PARP11: variants seen among roughly 807,000 people sequenced by gnomAD.
PARP11 encodes the protein poly(ADP-ribose) polymerase family member 11, also known as protein mono-ADP-ribosyltransferase PARP11.
In PARP11, 31 loss-of-function variants were observed where a neutral mutation model predicts 42.9. The ratio of observed to expected loss-of-function variants is 0.72; its 90% confidence interval spans 0.54 to 0.98. The LOEUF (loss-of-function observed/expected upper bound fraction) is 0.98, where lower values mean the gene tolerates loss of function less well. Ranked by LOEUF, PARP11 falls within the 50% of genes least tolerant of loss-of-function variation. PARP11 has a pLI of 0.00. For synonymous variants in PARP11, 137 were observed against 127.3 expected (o/e 1.08, Z -0.51); for missense variants, 365 against 413.1 (o/e 0.88, Z 1.01).
chr12:3,854,995 C>T (rs563697829), intron 1 of PARP11, among the ~76,000 whole-genome samples: 1 of 152,232 alleles, frequency 6.6e-6, no homozygotes, highest in East Asian at 1.9e-4. Context: ...AATCAATAAA[C>T]GTAATCCATC....
chr12:3,812,421 T>C lies in PARP11; in HGVS notation c.719A>G (p.Asp240Gly). 6.2e-7 allele frequency: 1 copy of C among 1,608,942 alleles called. No homozygotes were observed. Among genetic ancestry groups the C allele is most frequent in the Non-Finnish European group, 8.5e-7 (1 of 1,177,248 alleles). Reference sequence around the variant, plus strand: ...GCAGAAACGACTGGAATAAGCAGCATCTCTAGCAAAATAGGTTCCTTAAAC... The same window carrying C: ...GCAGAAACGACTGGAATAAGCAGCACCTCTAGCAAAATAGGTTCCTTAAAC... ...VFGKGTYFAR[D>G]AAYSSRFCKD... The change falls in exon 8 of 8, where the codon GAT becomes GGT. Residue 240 changes from aspartate to glycine, a missense_variant. Coordinates refer to ENST00000228820, the MANE Select transcript of PARP11 (RefSeq NM_020367.6).
rs556894606 is a variant in PARP11 at position 3,872,763 on chromosome 12, C to T, written c.18+449G>A. On this transcript the variant is annotated intron_variant, in intron 1 of 7. Coordinates refer to ENST00000228820, the MANE Select transcript of PARP11 (RefSeq NM_020367.6). The stretch of plus-strand genomic sequence containing the variant: ...AATGACTGACTACAGGTTCCAAGGC[C>T]AGTTACTCCAATTAGAAAGCAAAAC... 5.5e-5 allele frequency: 54 copies of T among 985,338 alleles called. 2 individuals carry two copies. In the Middle Eastern group the frequency reaches 3.1e-3, roughly 57 times the overall value. 61.0% of individuals were successfully genotyped at this position (985,338 alleles called of 1,614,324 possible).
Position 3,840,246 on chromosome 12 carries a change from T to A in PARP11, c.19-10228A>T. The A allele has an allele frequency of 6.2e-7, 1 of 1,613,328 alleles. No individual in the cohort carries two copies. The highest frequency in any genetic ancestry group is 8.5e-7 in the Non-Finnish European group (1 of 1,179,234). Reference sequence around the variant, plus strand: ...GAGTTCATTCTGAGAATGGACCAGTTTTGGTTGAAGAACTGGGAAAGTACA... The same window carrying A: ...GAGTTCATTCTGAGAATGGACCAGTATTGGTTGAAGAACTGGGAAAGTACA... On this transcript the variant is annotated intron_variant, in intron 1 of 7. Coordinates refer to ENST00000228820, the MANE Select transcript of PARP11 (RefSeq NM_020367.6). This position sits in a 1 kb window ranked among gnomAD's most constrained non-coding sequence, Gnocchi z 4.4.
At position 3,814,181 on chromosome 12, in the gene PARP11, C is replaced by A; in HGVS notation, c.556G>T (p.Ala186Ser). ...ACACCTCTTTTTTTCTTGAGCTGAGCCTTTTTCCTAAAAACACAATATACA... is the reference window on the plus strand; with the variant it reads ...ACACCTCTTTTTTTCTTGAGCTGAGACTTTTTCCTAAAAACACAATATACA... ...DLWEFFCRKKAQLKKKRGVPQ... is the reference protein window; with the variant it reads ...DLWEFFCRKKSQLKKKRGVPQ... Residue 186 changes from alanine to serine, a missense_variant, in exon 7 of 8, where the codon GCT becomes TCT. Ala to Ser is a moderately conservative substitution (Grantham distance 99). Coordinates refer to ENST00000228820, the MANE Select transcript of PARP11 (RefSeq NM_020367.6). The A allele has an allele frequency of 6.3e-7, 1 of 1,598,502 alleles. No individual in the cohort carries two copies. The highest frequency in any genetic ancestry group is 1.3e-5 in the African/African-American group (1 of 74,732).
At chr12:3,824,217 T>C (rs1424774502) in intron 4 of PARP11, among the ~76,000 whole-genome samples, 1 of 152,238 alleles carries the variant, frequency 6.6e-6, no homozygotes, top group Non-Finnish European at 1.5e-5. Context: ...TTTTCTCCTA[T>C]TATGAGTGAG....
chr12:3,814,181 C>T lies in PARP11; in HGVS notation c.556G>A (p.Ala186Thr), dbSNP rs759695271. 6.9e-6 allele frequency: 11 copies of T among 1,598,502 alleles called. No individual in the cohort carries two copies. Among genetic ancestry groups the T allele is most frequent in the Non-Finnish European group, 9.4e-6 (11 of 1,170,156 alleles). ...ACACCTCTTTTTTTCTTGAGCTGAG[C>T]CTTTTTCCTAAAAACACAATATACA... ...DLWEFFCRKKAQLKKKRGVPQ... is the reference protein window; with the variant it reads ...DLWEFFCRKKTQLKKKRGVPQ... Residue 186 changes from alanine to threonine, a missense_variant, in exon 7 of 8, where the codon GCT (alanine) becomes ACT (threonine). Physicochemically the swap from Ala to Thr is moderately conservative, Grantham distance 58 (BLOSUM62 0). Coordinates refer to ENST00000228820, the MANE Select transcript of PARP11 (RefSeq NM_020367.6).
At chr12:3,872,867 G>C (rs1449978541) in intron 1 of PARP11, 1 of 906,944 alleles carries the variant, frequency 1.1e-6, no homozygotes, top group Admixed American at 6.2e-5. Flanking sequence ...CGGAGGTTGC[G>C]GTGGGCCGAG....
In PARP11 at chr12:3,873,317, C is replaced by T; in HGVS notation, c.-88G>A. The T allele has an allele frequency of 7.7e-7, 1 of 1,301,624 alleles. No homozygotes were observed. 80.6% of individuals were successfully genotyped at this position (1,301,624 alleles called of 1,614,324 possible). On this transcript the variant is annotated 5_prime_UTR_variant, in exon 1 of 8. Transcript: ENST00000228820. Reference sequence around the variant, plus strand: ...TGGATTTTTTTTTTTCCCGCGGGTCCCCGGGAGCGAAGGGACGGAGATGCA... The same window carrying T: ...TGGATTTTTTTTTTTCCCGCGGGTCTCCGGGAGCGAAGGGACGGAGATGCA...
Position 3,809,846 on chromosome 12 carries a change from T to C in PARP11, c.*2277A>G, listed in dbSNP as rs1947133703. ...AATTATTTTCATGATAATCTCTAGA[T>C]GCTTTTTAAAGCGCTTTTTCTAAAT... On this transcript the variant is annotated 3_prime_UTR_variant, in exon 8 of 8. Coordinates refer to ENST00000228820, the MANE Select transcript of PARP11 (RefSeq NM_020367.6). 6.6e-6 allele frequency: 1 copy of C among 152,350 alleles called. No homozygotes were observed. The highest frequency in any genetic ancestry group is 2.1e-4 in the South Asian group (1 of 4,826). 9.4% of individuals were successfully genotyped at this position (152,350 alleles called of 1,614,324 possible).
chr12:3,844,501 T>C lies in PARP11; in HGVS notation c.19-14483A>G, dbSNP rs1947959813. Among the ~76,000 whole-genome samples the C allele has an allele frequency of 2.0e-5, 3 of 152,354 alleles. No homozygotes were observed. In the South Asian group the frequency reaches 6.2e-4, roughly 32 times the overall value. On this transcript the variant is annotated intron_variant, in intron 1 of 7. Coordinates refer to ENST00000228820, the MANE Select transcript of PARP11 (RefSeq NM_020367.6). ...TGATAGAAACACCAGATTTGAAAGT[T>C]CAATGTGTTTGATCTCAGGAGTCCA...
At position 3,861,196 on chromosome 12, in the gene PARP11, C is replaced by T. The variant is rs11062875; in HGVS notation, c.18+12016G>A. On this transcript the variant is annotated intron_variant, in intron 1 of 7. Coordinates refer to ENST00000228820, the MANE Select transcript of PARP11 (RefSeq NM_020367.6). The surrounding 1 kb of genome is among the most constrained non-coding windows in gnomAD (Gnocchi z 4.6). ...GCATGCAACGAAGACACAAATTTTT[C>T]GTGGAGGGAAGGGCCAGGGCCAGAA... 0.1 allele frequency among the ~76,000 whole-genome samples: 15,738 copies of T among 152,146 alleles called. 1,279 individuals are homozygous for T. Among genetic ancestry groups the T allele is most frequent in the East Asian group, 0.43 (2,198 of 5,170 alleles).
intron 4 of PARP11, 93 bp from the exon 5 acceptor site, chr12:3,822,250 C>A: frequency 1.1e-6 from 1 of 947,122 alleles, no homozygotes; most frequent in African/African-American, 1.7e-5. Flanking sequence ...TTTTCATTTT[C>A]AGGGTATTGT....
At position 3,830,579 on chromosome 12, in the gene PARP11, T is replaced by C. The variant is rs1397246051; in HGVS notation, c.19-561A>G. 2.6e-5 allele frequency among the ~76,000 whole-genome samples: 4 copies of C among 152,214 alleles called. No homozygotes were observed. The East Asian group carries it at 7.7e-4, about 29-fold the overall frequency. On this transcript the variant is annotated intron_variant, in intron 1 of 7. Transcript: ENST00000228820. ...GTATGTAAATGTTTACACACATATATAGAAAAAAGTCTGGATGTATATATA... is the reference window on the plus strand; with the variant it reads ...GTATGTAAATGTTTACACACATATACAGAAAAAAGTCTGGATGTATATATA...
At chr12:3,834,502 C>T (rs868570104) in intron 1 of PARP11, among the ~76,000 whole-genome samples, 2 of 151,642 alleles carry the variant, frequency 1.3e-5, no homozygotes, top group African/African-American at 4.8e-5. Context: ...GGTGTGGTGG[C>T]GTGCACCTGT....
intron 4 of PARP11, among the ~76,000 whole-genome samples, chr12:3,824,047 A>G (rs1401496097): frequency 6.6e-6 from 1 of 152,242 alleles, no homozygotes; most frequent in Non-Finnish European, 1.5e-5. Flanking sequence ...CATGATTTTA[A>G]CAGACACCAA....
rs570775252 is a variant in PARP11, at chr12:3,822,647, A to T, written c.345-490T>A. 6.6e-5 allele frequency among the ~76,000 whole-genome samples: 10 copies of T among 151,540 alleles called. No homozygotes were observed. In the South Asian group the frequency reaches 8.3e-4, roughly 13 times the overall value. On this transcript the variant is annotated intron_variant, in intron 4 of 7. Transcript: ENST00000228820. ...TGACTGTCTATGTGTGCTACTTTTTAGGTGTTCAATAGTGAACTTTTGATG... is the reference window on the plus strand; with the variant it reads ...TGACTGTCTATGTGTGCTACTTTTTTGGTGTTCAATAGTGAACTTTTGATG...
At chr12:3,817,788 T>C (rs1741375992) in intron 6 of PARP11, among the ~76,000 whole-genome samples, 1 of 152,154 alleles carries the variant, frequency 6.6e-6, no homozygotes, top group Non-Finnish European at 1.5e-5. Context: ...AAAATAAATT[T>C]GCCTAGATTT....
At chr12:3,872,961 G>A (rs1565556139) in intron 1 of PARP11, 4 of 196,222 alleles carry the variant, frequency 2.0e-5, no homozygotes, top group Non-Finnish European at 3.7e-5. Context: ...GAAGGGATGA[G>A]GCTGAAACAT....
chr12:3,866,004 T>C (rs896609962), intron 1 of PARP11, among the ~76,000 whole-genome samples: 4 of 152,012 alleles, frequency 2.6e-5, no homozygotes, highest in Non-Finnish European at 4.4e-5. Context: ...ACTGTAACTC[T>C]TTGTCTACAC....
Sources: allele counts gnomAD v4.1 joint callset (sites outside exome capture counted in the v4.1 genomes callset), GRCh38; gene constraint gnomAD v4.1.1; non-coding constraint Gnocchi (gnomAD v3.1); transcripts MANE v1.5; gene names NCBI Gene and HGNC (gene_info 2026-07-23, HGNC 2026-07-21).